CSTPP1: variants seen among roughly 807,000 people sequenced by gnomAD.
CSTPP1 encodes UPF0705 protein C11orf49.
the CSTPP1 span, among the ~76,000 whole-genome samples, chr11:47,053,453 T>A: frequency 1.3e-5 from 2 of 151,888 alleles, no homozygotes; most frequent in African/African-American, 4.8e-5. Flanking sequence ...ACCCCGTCTC[T>A]ACTAAAAATA....
chr11:46,984,066 A>G, the CSTPP1 span, among the ~76,000 whole-genome samples: 1 of 152,224 alleles, frequency 6.6e-6, no homozygotes. Context: ...ACAGACATAC[A>G]CACACATAAA....
chr11:47,164,075 TTCCTC>T, the CSTPP1 span: 2 of 1,595,920 alleles, frequency 1.3e-6, no homozygotes, highest in Admixed American at 3.5e-5. Flanking sequence ...TGCCAGCTCT[TTCCTC>T]TGCGTGCCAC....
At chr11:46,968,112 C>T in the CSTPP1 span, among the ~76,000 whole-genome samples, 1 of 151,254 alleles carries the variant, frequency 6.6e-6, no homozygotes, top group Admixed American at 6.6e-5. Context: ...GGAGATTTGG[C>T]TGTTATCTCT....
the CSTPP1 span, among the ~76,000 whole-genome samples, chr11:47,158,537 T>G: frequency 1.3e-5 from 2 of 152,074 alleles, no homozygotes; most frequent in Non-Finnish European, 1.5e-5. Context: ...TAAGGTTTTT[T>G]GTTTTTTGTT....
At chr11:47,001,279 C>A in the CSTPP1 span, among the ~76,000 whole-genome samples, 1 of 152,128 alleles carries the variant, frequency 6.6e-6, no homozygotes, top group East Asian at 1.9e-4. Context: ...TCCTATTTAA[C>A]CAGTGAAAGT....
the CSTPP1 span, among the ~76,000 whole-genome samples, chr11:46,975,998 AG>A: frequency 6.6e-6 from 1 of 152,190 alleles, no homozygotes; most frequent in South Asian, 2.1e-4. Flanking sequence ...TTTTCAGGTC[AG>A]GGGGCTTAAT....
the CSTPP1 span, among the ~76,000 whole-genome samples, chr11:47,081,144 A>G: frequency 6.6e-6 from 1 of 152,206 alleles, no homozygotes; most frequent in Non-Finnish European, 1.5e-5. Context: ...AAGATTTAAA[A>G]TCATAAACCT....
At chr11:47,084,461 A>G in the CSTPP1 span, among the ~76,000 whole-genome samples, 1 of 152,078 alleles carries the variant, frequency 6.6e-6, no homozygotes, top group African/African-American at 2.4e-5. Flanking sequence ...ATCTTTGCCT[A>G]CCCTAAGGCT....
the CSTPP1 span, among the ~76,000 whole-genome samples, chr11:47,012,274 G>C: frequency 6.6e-6 from 1 of 152,068 alleles, no homozygotes; most frequent in Non-Finnish European, 1.5e-5. Flanking sequence ...AGGAAATAAA[G>C]GAGGGCTTTG....
the CSTPP1 span, among the ~76,000 whole-genome samples, chr11:47,158,283 A>G: frequency 1.6e-4 from 25 of 152,050 alleles, no homozygotes; most frequent in Admixed American, 1.6e-3. Flanking sequence ...TATCAAAGAG[A>G]CCTGAATCCC....
At chr11:47,030,790 G>A in the CSTPP1 span, among the ~76,000 whole-genome samples, 4 of 152,106 alleles carry the variant, frequency 2.6e-5, no homozygotes, top group Non-Finnish European at 4.4e-5. Flanking sequence ...TTCTCTTCCT[G>A]CATTAGTTTG....
the CSTPP1 span, among the ~76,000 whole-genome samples, chr11:47,024,351 C>T: frequency 1.3e-5 from 2 of 151,962 alleles, no homozygotes. Context: ...CAAGTGTGAG[C>T]CACTTCACCC....
At chr11:47,073,414 C>T in the CSTPP1 span, among the ~76,000 whole-genome samples, 1 of 152,174 alleles carries the variant, frequency 6.6e-6, no homozygotes, top group East Asian at 1.9e-4. Flanking sequence ...GAAGATTAGG[C>T]TGGGTGCAGT....
the CSTPP1 span, among the ~76,000 whole-genome samples, chr11:47,153,439 C>T: frequency 6.6e-6 from 1 of 152,100 alleles, no homozygotes; most frequent in African/African-American, 2.4e-5. Context: ...GCCACAGAAA[C>T]TAGGAGGTAA....
the CSTPP1 span, among the ~76,000 whole-genome samples, chr11:47,074,431 T>G: frequency 6.7e-6 from 1 of 148,478 alleles, no homozygotes; most frequent in Non-Finnish European, 1.5e-5. Context: ...GCTCAGGAGG[T>G]TGAGGCTGCA....
chr11:47,038,256 T>C, the CSTPP1 span, among the ~76,000 whole-genome samples: 3,944 of 90,560 alleles, frequency 0.044, 215 homozygotes, highest in African/African-American at 0.12. Context: ...ACTTCCCGGA[T>C]GGGGCGGCTG....
chr11:47,020,148 T>G, the CSTPP1 span, among the ~76,000 whole-genome samples: 3 of 152,240 alleles, frequency 2.0e-5, no homozygotes, highest in African/African-American at 7.2e-5. Flanking sequence ...TGCCAAGGCA[T>G]GAAGGCATTA....
the CSTPP1 span, among the ~76,000 whole-genome samples, chr11:46,965,918 C>T: frequency 2.6e-5 from 4 of 152,160 alleles, no homozygotes; most frequent in East Asian, 3.8e-4. Flanking sequence ...ATTTTACCCT[C>T]GTATGATTTA....
chr11:47,131,406 A>G, the CSTPP1 span, among the ~76,000 whole-genome samples: 1 of 152,242 alleles, frequency 6.6e-6, no homozygotes, highest in Non-Finnish European at 1.5e-5. Flanking sequence ...CCACAGCAAG[A>G]AGGCAGACCA....
Sources: gnomAD v4.1 joint callset for allele counts (sites outside exome capture counted in the v4.1 genomes callset) on GRCh38, gnomAD v4.1.1 for gene constraint, MANE v1.5 for transcripts, NCBI Gene and HGNC (gene_info 2026-07-23, HGNC 2026-07-21) for gene names.